The following ATG13 variants were observed in gnomAD, a reference collection of about 807,000 sequenced individuals.
The protein encoded by ATG13 is autophagy related 13, also known as autophagy-related protein 13.
Under a neutral mutation model 65.5 loss-of-function variants are expected in ATG13, and 23 were observed. That is an observed-to-expected ratio of 0.35 (90% confidence interval 0.25 to 0.50). The LOEUF is 0.50. ATG13 is among the 20% of genes least tolerant of loss of function. The pLI is 0.98. For missense variants in ATG13, 566 were observed against 677.0 expected (o/e 0.84, Z 1.82); for synonymous variants, 252 against 245.2 (o/e 1.03, Z -0.26).
At chr11:46,627,242 G>A (rs915147917) in intron 1 of ATG13, among the ~76,000 whole-genome samples, 1 of 152,128 alleles carries the variant, frequency 6.6e-6, no homozygotes. Flanking sequence ...AGCTGGGCAT[G>A]ATGGCAGGTG....
chr11:46,665,064 A>T (rs2062001537), intron 13 of ATG13, 105 bp downstream of exon 13: 1 of 1,152,298 alleles, frequency 8.7e-7, no homozygotes, highest in Admixed American at 2.3e-5. Flanking sequence ...TAAGTGCTAT[A>T]TTCTGAAGCA....
chr11:46,623,898 C>T (rs1383070281), intron 1 of ATG13, among the ~76,000 whole-genome samples: 1 of 151,608 alleles, frequency 6.6e-6, no homozygotes, highest in African/African-American at 2.4e-5. Context: ...ATTATTTTTG[C>T]ATTATATTTA....
chr11:46,620,092 T>C (rs2046966431), intron 1 of ATG13, among the ~76,000 whole-genome samples: 1 of 151,864 alleles, frequency 6.6e-6, no homozygotes, highest in Admixed American at 6.6e-5. Context: ...GTCTGTGTTT[T>C]TTGTTGTTGT....
At chr11:46,644,848 C>T (rs1300364846) in intron 3 of ATG13, among the ~76,000 whole-genome samples, 1 of 152,208 alleles carries the variant, frequency 6.6e-6, no homozygotes, top group Non-Finnish European at 1.5e-5. Context: ...TGTCACTCCT[C>T]TCAACCATTG....
At chr11:46,633,428 A>G (rs971660135) in intron 2 of ATG13, among the ~76,000 whole-genome samples, 1 of 150,576 alleles carries the variant, frequency 6.6e-6, no homozygotes, top group African/African-American at 2.5e-5. Flanking sequence ...GGCTCGTGCA[A>G]CCTCCGCCCC....
chr11:46,619,638 T>A (rs956223331), intron 1 of ATG13, among the ~76,000 whole-genome samples: 35 of 152,102 alleles, frequency 2.3e-4, no homozygotes, highest in African/African-American at 8.4e-4. Context: ...TCCACCCGCC[T>A]TGGCCTCCCA....
intron 18 of ATG13, among the ~76,000 whole-genome samples, chr11:46,671,915 A>G (rs1344359523): frequency 6.6e-6 from 1 of 152,204 alleles, no homozygotes; most frequent in African/African-American, 2.4e-5. Context: ...AGAGCTGTAC[A>G]CTTGGTATTT....
At chr11:46,670,927 A>G (rs1167866653) in intron 18 of ATG13, among the ~76,000 whole-genome samples, 2 of 152,198 alleles carry the variant, frequency 1.3e-5, no homozygotes, top group Non-Finnish European at 2.9e-5. Context: ...ATCCCAGTTT[A>G]CAGATGAGAA....
intron 2 of ATG13, among the ~76,000 whole-genome samples, chr11:46,631,648 G>C (rs2051775703): frequency 1.3e-5 from 2 of 152,308 alleles, no homozygotes; most frequent in South Asian, 4.1e-4. Flanking sequence ...AGGATCGTTT[G>C]AGGCCAGGAG....
At chr11:46,633,279 C>T (rs1483652143) in intron 2 of ATG13, among the ~76,000 whole-genome samples, 1 of 151,134 alleles carries the variant, frequency 6.6e-6, no homozygotes, top group Admixed American at 6.6e-5. Context: ...CCTCACCCTC[C>T]CAAAGTGCTG....
intron 2 of ATG13, among the ~76,000 whole-genome samples, chr11:46,644,057 A>G (rs187710460): frequency 1.3e-5 from 2 of 152,258 alleles, no homozygotes; most frequent in Non-Finnish European, 2.9e-5. Flanking sequence ...GTTCTCATTC[A>G]TTTTTTAGGT....
rs574972576 is a variant in ATG13 at position 46,672,848 on chromosome 11, ATCT to A, written c.*523_*525del. On this transcript the variant is annotated 3_prime_UTR_variant, in exon 19 of 19. Coordinates refer to ENST00000683050, the MANE Select transcript of ATG13 (RefSeq NM_001346311.2). ...TTCATTGTCCCCTTTACTTCCTGCT[ATCT>A]TCTTCTCCTCTTCTTCTCTCTCTTG... 459 of 1,189,632 alleles carry A rather than the reference ATCT, an allele frequency of 3.9e-4. 3 individuals carry two copies. In the African/African-American group the frequency reaches 6.3e-3, roughly 16 times the overall value. 73.7% of individuals were successfully genotyped at this position (1,189,632 alleles called of 1,614,324 possible).
At chr11:46,627,076 CTAAAAA>C (rs1277359598) in intron 1 of ATG13, among the ~76,000 whole-genome samples, 1 of 152,080 alleles carries the variant, frequency 6.6e-6, no homozygotes, top group Non-Finnish European at 1.5e-5. Flanking sequence ...CTCATCTCTA[CTAAAAA>C]TAAGATAATT....
intron 4 of ATG13, 81 bp from the exon 5 acceptor site, chr11:46,645,789 T>G: frequency 6.4e-7 from 1 of 1,560,596 alleles, no homozygotes; most frequent in Non-Finnish European, 8.8e-7. Context: ...CAGCAATACT[T>G]GCATTACCCA....
At chr11:46,650,118 G>C (rs1424006806) in intron 6 of ATG13, 59 bp from the exon 7 acceptor site, 28 of 1,572,946 alleles carry the variant, frequency 1.8e-5, no homozygotes, top group Non-Finnish European at 2.4e-5. Flanking sequence ...AATAAATTTG[G>C]TCTTGTGTAG....
intron 5 of ATG13, among the ~76,000 whole-genome samples, chr11:46,648,250 C>T (rs895097929): frequency 6.6e-6 from 1 of 152,054 alleles, no homozygotes; most frequent in Non-Finnish European, 1.5e-5. Context: ...CACCCGCTAC[C>T]ACGCCCAGCT....
Position 46,669,505 on chromosome 11 carries a change from T to C in ATG13, c.1548T>C (p.Ile516=). The change falls in exon 18 of 19, where the codon ATT becomes ATC. Residue 516 remains isoleucine, a synonymous_variant. Transcript: ENST00000683050. ...PPQLSSLSID[I]GAQSMAEDLD... ...AGCTGAGCAGCCTCTCCATAGATAT[T>C]GGAGCACAGTCCATGGCTGAAGACT... The C allele has an allele frequency of 6.2e-7, 1 of 1,614,122 alleles. No individual in the cohort carries two copies. Among genetic ancestry groups the C allele is most frequent in the South Asian group, 1.1e-5 (1 of 91,078 alleles).
At chr11:46,669,966 C>T (rs1447165770) in intron 18 of ATG13, among the ~76,000 whole-genome samples, 2 of 152,110 alleles carry the variant, frequency 1.3e-5, no homozygotes, top group South Asian at 4.1e-4. Flanking sequence ...CACACTTGAC[C>T]AGATGTCCTG....
At chr11:46,629,809 T>G (rs1413323878) in intron 1 of ATG13, 1 of 152,224 alleles carries the variant, frequency 6.6e-6, no homozygotes, top group East Asian at 1.9e-4. Context: ...AATTTTTGAC[T>G]GATTACAAAT....
Sources: allele counts gnomAD v4.1 joint callset (sites outside exome capture counted in the v4.1 genomes callset), GRCh38; gene constraint gnomAD v4.1.1; transcripts MANE v1.5; gene names NCBI Gene and HGNC (gene_info 2026-07-23, HGNC 2026-07-21).